The following ZNF37A variants were observed in gnomAD, a reference collection of about 807,000 sequenced individuals.
ZNF37A encodes zinc finger protein 37a (KOX 21).
ZNF37A carries 10 observed loss-of-function variants against 12.3 expected under a neutral mutation model. The ratio of observed to expected loss-of-function variants is 0.82; its 90% CI spans 0.50 to 1.38. The LOEUF (loss-of-function observed/expected upper bound fraction) is 1.38, where lower values mean the gene tolerates loss of function less well. Ranked by LOEUF, ZNF37A falls within the 40% of genes most tolerant of loss-of-function variation. ZNF37A has a pLI of 0.00. For missense variants in ZNF37A, 580 were observed against 651.2 expected, an observed-to-expected ratio of 0.89 and a Z score of 1.19; for synonymous variants, 207 against 223.0, an observed-to-expected ratio of 0.93 and a Z score of 0.64.
intron 7 of ZNF37A, among the ~76,000 whole-genome samples, chr10:38,116,162 C>T (rs1178263504): frequency 6.6e-6 from 1 of 152,126 alleles, no homozygotes; most frequent in African/African-American, 2.4e-5. Context: ...TGAAAAAGCT[C>T]TCCGGATAAT....
chr10:38,145,914 C>T (rs1564390276), intron 7 of ZNF37A, among the ~76,000 whole-genome samples: 1 of 152,086 alleles, frequency 6.6e-6, no homozygotes, highest in Non-Finnish European at 1.5e-5. Context: ...GCCTGGTCAA[C>T]TATGGTGAAA....
chr10:38,112,791 T>TCGG (rs1564932581), intron 5 of ZNF37A, among the ~76,000 whole-genome samples: 1,762 of 47,474 alleles, frequency 0.037, 234 homozygotes, highest in Non-Finnish European at 0.05. Flanking sequence ...TTTTCTTTTC[T>TCGG]TTTCTTGTCT....
chr10:38,133,580 C>A (rs1033572901), intron 7 of ZNF37A, among the ~76,000 whole-genome samples: 8 of 150,812 alleles, frequency 5.3e-5, no homozygotes, highest in African/African-American at 1.9e-4. Context: ...GTTTTCTGTC[C>A]TTGTGATAGT....
chr10:38,137,208 G>C (rs2136080767), intron 7 of ZNF37A: 1 of 152,116 alleles, frequency 6.6e-6, no homozygotes, highest in South Asian at 2.1e-4. Context: ...CTTCTTTGTT[G>C]TTTTTGTTGT....
chr10:38,094,859 G>A (rs1283087814), intron 1 of ZNF37A, 72 bp from the exon 2 acceptor site: 1 of 152,314 alleles, frequency 6.6e-6, no homozygotes, highest in Non-Finnish European at 1.5e-5. Flanking sequence ...GCGGGGCGGG[G>A]AGGGACCCTG....
chr10:38,125,798 A>G (rs1177949729), downstream of ZNF37A, among the ~76,000 whole-genome samples: 3 of 152,176 alleles, frequency 2.0e-5, no homozygotes, highest in Non-Finnish European at 4.4e-5. Flanking sequence ...ACTGGGTAAT[A>G]TAAAGGAAAG....
intron 7 of ZNF37A, among the ~76,000 whole-genome samples, chr10:38,145,621 T>C (rs2070242961): frequency 6.6e-6 from 1 of 152,246 alleles, no homozygotes; most frequent in African/African-American, 2.4e-5. Context: ...CACCCTTTGG[T>C]TCATGGGTCA....
At chr10:38,102,557 A>C (rs1460840248) in intron 5 of ZNF37A, among the ~76,000 whole-genome samples, 1 of 152,188 alleles carries the variant, frequency 6.6e-6, no homozygotes, top group Admixed American at 6.5e-5. Context: ...TCTGTCTTTT[A>C]AATCACATAA....
intron 7 of ZNF37A, chr10:38,142,642 T>G (rs779229911): frequency 6.6e-6 from 1 of 152,190 alleles, no homozygotes; most frequent in Non-Finnish European, 1.5e-5. Context: ...AGATTCCACT[T>G]TAGCTGAGAG....
downstream of ZNF37A, among the ~76,000 whole-genome samples, chr10:38,127,735 G>A (rs1269771714): frequency 6.6e-6 from 1 of 152,116 alleles, no homozygotes; most frequent in Non-Finnish European, 1.5e-5. Flanking sequence ...TTGACACAGA[G>A]GTAAATACTA....
At chr10:38,102,229 T>A (rs1256440234) in intron 5 of ZNF37A, among the ~76,000 whole-genome samples, 4 of 152,212 alleles carry the variant, frequency 2.6e-5, no homozygotes, top group Non-Finnish European at 4.4e-5. Flanking sequence ...ATTTTGCTAT[T>A]TATTTTCCAT....
chr10:38,132,174 G>C (rs2070036927), intron 7 of ZNF37A, among the ~76,000 whole-genome samples: 1 of 152,054 alleles, frequency 6.6e-6, no homozygotes, highest in South Asian at 2.1e-4. Context: ...GAGTATCCTT[G>C]CCTTGTTCTT....
rs2069873019 is a variant in ZNF37A, at chr10:38,124,253, A to T, written c.*5416A>T. Reference sequence around the variant, plus strand: ...CAAGACAGACATCATGTTCTGACGTATTTGTTGGAGCTAAAGATGAAAACA... The same window carrying T: ...CAAGACAGACATCATGTTCTGACGTTTTTGTTGGAGCTAAAGATGAAAACA... On this transcript the variant is annotated 3_prime_UTR_variant, in exon 8 of 8. Coordinates refer to ENST00000685332, the MANE Select transcript of ZNF37A (RefSeq NM_001324250.3). 6.6e-6 allele frequency: 1 copy of T among 152,160 alleles called. No individual in the cohort carries two copies. The highest frequency in any genetic ancestry group is 2.1e-4 in the South Asian group (1 of 4,828). The allele number at this position is 152,160 out of a possible 1,614,324, so 9.4% of individuals were successfully genotyped here. A position where few individuals can be genotyped will look rare whatever the true frequency, so the allele number is the denominator to read the frequency against.
intron 5 of ZNF37A, among the ~76,000 whole-genome samples, chr10:38,112,743 T>TCTG (rs1564931846): frequency 1.4e-5 from 1 of 70,540 alleles, no homozygotes; most frequent in Non-Finnish European, 2.9e-5. Flanking sequence ...TTCTTTTCTT[T>TCTG]TCTTTTCTTT....
At chr10:38,130,932 T>C (rs2070018214) in intron 7 of ZNF37A, among the ~76,000 whole-genome samples, 1 of 152,208 alleles carries the variant, frequency 6.6e-6, no homozygotes, top group Admixed American at 6.5e-5. Flanking sequence ...TGATTGATAT[T>C]TGCACTTCTC....
chr10:38,112,738 T>TGTCTTGTCTTG, intron 5 of ZNF37A, among the ~76,000 whole-genome samples: 1 of 58,914 alleles, frequency 1.7e-5, no homozygotes, highest in African/African-American at 6.3e-5. Context: ...CCATTTTCTT[T>TGTCTTGTCTTG]TCTTTTCTTT....
intron 5 of ZNF37A, among the ~76,000 whole-genome samples, chr10:38,105,269 T>C (rs770298405): frequency 3.9e-5 from 6 of 152,118 alleles, no homozygotes; most frequent in Non-Finnish European, 7.4e-5. Context: ...CCTAACAAAG[T>C]GTTGGGATTA....
intron 7 of ZNF37A, among the ~76,000 whole-genome samples, chr10:38,133,757 T>C (rs930554262): frequency 1.2e-4 from 18 of 152,200 alleles, no homozygotes; most frequent in African/African-American, 4.1e-4. Context: ...CTATTGTGAA[T>C]AGTGCCGCAA....
Position 38,117,846 on chromosome 10 carries a change from C to T in ZNF37A, c.695C>T (p.Pro232Leu), listed in dbSNP as rs753700658. 110 of 1,613,860 alleles carry T rather than the reference C, an allele frequency of 6.8e-5. No homozygotes were observed. The highest frequency in any genetic ancestry group is 9.2e-5 in the Non-Finnish European group (108 of 1,179,980). ...TTCAGCCAGAAGTTAAATCTCACTC[C>T]AATTCAGAGAACCCACTCAATTAAC... ...YPFSQKLNLT[P>L]IQRTHSINNI... The change falls in exon 8 of 8, where the codon CCA becomes CTA. Residue 232 changes from proline to leucine, a missense_variant. Physicochemically the swap from Pro to Leu is moderately conservative, Grantham distance 98 (BLOSUM62 -3). Coordinates refer to ENST00000685332, the MANE Select transcript of ZNF37A (RefSeq NM_001324250.3).
Sources: gnomAD v4.1 joint callset for allele counts (sites outside exome capture counted in the v4.1 genomes callset) on GRCh38, gnomAD v4.1.1 for gene constraint, MANE v1.5 for transcripts, NCBI Gene and HGNC (gene_info 2026-07-23, HGNC 2026-07-21) for gene names.